Variants in NALF1 observed in about 807,000 individuals in gnomAD.
The protein encoded by NALF1 is NALCN channel auxiliary factor 1.
NALF1 carries 3 observed loss-of-function variants against 48.4 expected under a neutral mutation model. The ratio of observed to expected loss-of-function variants is 0.06; its 90% CI spans 0.03 to 0.16. The LOEUF (loss-of-function observed/expected upper bound fraction) is 0.16. Among genes scored for constraint, NALF1 ranks in the 10% least tolerant of loss-of-function variants. The probability of loss-of-function intolerance (pLI) is 1.00; values close to 1 mark genes in which losing one functional copy is unlikely to be tolerated. For synonymous variants in NALF1, 262 were observed against 245.7 expected, an observed-to-expected ratio of 1.07 and a Z score of -0.62; for missense variants, 526 against 571.5, an observed-to-expected ratio of 0.92 and a Z score of 0.81.
chr13:107,804,536 G>C (rs148844350), intron 1 of NALF1, among the ~76,000 whole-genome samples: 1 of 152,102 alleles, frequency 6.6e-6, no homozygotes, highest in South Asian at 2.1e-4. Context: ...CCTGAAGACA[G>C]GGACAACATC....
intron 1 of NALF1, among the ~76,000 whole-genome samples, chr13:107,583,266 TTTGCA>T (rs1878364000): frequency 6.6e-6 from 1 of 152,102 alleles, no homozygotes; most frequent in Non-Finnish European, 1.5e-5. Flanking sequence ...CATATGTATT[TTTGCA>T]AGAATGAGTT....
At chr13:107,529,334 C>T (rs550506902) in intron 1 of NALF1, among the ~76,000 whole-genome samples, 2 of 152,198 alleles carry the variant, frequency 1.3e-5, no homozygotes, top group Admixed American at 6.5e-5. Context: ...ATCACTTCAC[C>T]GATCCAGGCC....
chr13:107,830,822 C>T (rs1879696928), intron 1 of NALF1, among the ~76,000 whole-genome samples: 1 of 152,130 alleles, frequency 6.6e-6, no homozygotes, highest in Admixed American at 6.5e-5. Flanking sequence ...CTTCCTTTGC[C>T]TTTTGTATTA....
chr13:107,470,556 T>C (rs1459828808), intron 1 of NALF1, among the ~76,000 whole-genome samples: 9 of 152,188 alleles, frequency 5.9e-5, no homozygotes. Flanking sequence ...AAAGCTGTCC[T>C]TCAGAAATAG....
At chr13:107,676,162 T>TATA (rs1594200032) in intron 1 of NALF1, among the ~76,000 whole-genome samples, 1 of 152,222 alleles carries the variant, frequency 6.6e-6, no homozygotes, top group East Asian at 1.9e-4. Context: ...TTGAAAAGAG[T>TATA]ATAATCAAAT....
chr13:107,745,990 T>C (rs1317375498), intron 1 of NALF1, among the ~76,000 whole-genome samples: 1 of 152,222 alleles, frequency 6.6e-6, no homozygotes, highest in Non-Finnish European at 1.5e-5. Context: ...CTGCTGCCTA[T>C]TGGATTCTGG....
intron 2 of NALF1, among the ~76,000 whole-genome samples, chr13:107,188,729 G>C (rs1879226331): frequency 6.6e-6 from 1 of 152,160 alleles, no homozygotes; most frequent in South Asian, 2.1e-4. Context: ...TCAATACCCA[G>C]CTGTATGTGG....
At chr13:107,809,841 C>G (rs900462321) in intron 1 of NALF1, among the ~76,000 whole-genome samples, 1 of 152,024 alleles carries the variant, frequency 6.6e-6, no homozygotes, top group African/African-American at 2.4e-5. Context: ...CACACCTCAC[C>G]TTTTTCTTTT....
intron 1 of NALF1, among the ~76,000 whole-genome samples, chr13:107,279,038 T>C (rs1490738265): frequency 8.4e-6 from 1 of 119,054 alleles, no homozygotes; most frequent in African/African-American, 3.0e-5. Flanking sequence ...TTCTTTTCTT[T>C]TCTTCTTTTT....
intron 1 of NALF1, among the ~76,000 whole-genome samples, chr13:107,322,930 C>G (rs774990773): frequency 6.6e-6 from 1 of 152,156 alleles, no homozygotes; most frequent in African/African-American, 2.4e-5. Context: ...AGTCTGCACA[C>G]CTTTGAATGC....
intron 1 of NALF1, among the ~76,000 whole-genome samples, chr13:107,478,868 A>G (rs190829971): frequency 1.5e-3 from 230 of 152,260 alleles, no homozygotes; most frequent in African/African-American, 5.4e-3. Flanking sequence ...TTAAAAATAC[A>G]TATTTGAGAA....
chr13:107,837,668 A>T (rs1879933960), intron 1 of NALF1, among the ~76,000 whole-genome samples: 1 of 150,120 alleles, frequency 6.7e-6, no homozygotes, highest in African/African-American at 2.4e-5. Flanking sequence ...GGGACCCCGG[A>T]TGCCCCACCA....
At chr13:107,848,778 G>A (rs76650330) in intron 1 of NALF1, among the ~76,000 whole-genome samples, 2,882 of 152,198 alleles carry the variant, frequency 0.019, 45 homozygotes, top group African/African-American at 0.046. Context: ...CAAAATGTCT[G>A]ACCTGTCATA....
chr13:107,328,169 C>T (rs1323370486), intron 1 of NALF1, among the ~76,000 whole-genome samples: 4 of 151,988 alleles, frequency 2.6e-5, no homozygotes, highest in Non-Finnish European at 4.4e-5. Context: ...CTACCCACCT[C>T]GACCTCCCAA....
intron 1 of NALF1, among the ~76,000 whole-genome samples, chr13:107,792,608 A>G (rs1220406166): frequency 1.3e-5 from 2 of 152,176 alleles, no homozygotes; most frequent in East Asian, 3.9e-4. Context: ...TACTATCACC[A>G]TGACAATCTT....
intron 1 of NALF1, among the ~76,000 whole-genome samples, chr13:107,593,839 G>A (rs373987384): frequency 1.3e-3 from 201 of 150,904 alleles, no homozygotes; most frequent in African/African-American, 4.6e-3. Flanking sequence ...AAACAGAAAC[G>A]GAAACTTGTA....
intron 1 of NALF1, among the ~76,000 whole-genome samples, chr13:107,763,167 C>CA (rs1484641407): frequency 7.9e-5 from 12 of 151,458 alleles, no homozygotes; most frequent in African/African-American, 2.9e-4. Flanking sequence ...TTAAAGTAAA[C>CA]ATAATACACT....
At chr13:107,520,201 G>C (rs1379044648) in intron 1 of NALF1, among the ~76,000 whole-genome samples, 1 of 152,032 alleles carries the variant, frequency 6.6e-6, no homozygotes, top group Non-Finnish European at 1.5e-5. Context: ...ATATGTATAA[G>C]AAAAAATGCA....
chr13:107,373,869 A>G (rs1883291304), intron 1 of NALF1, among the ~76,000 whole-genome samples: 1 of 152,216 alleles, frequency 6.6e-6, no homozygotes, highest in South Asian at 2.1e-4. Flanking sequence ...CATCAAAAGA[A>G]TCTACCTTCT....
Sources: allele counts gnomAD v4.1 joint callset (sites outside exome capture counted in the v4.1 genomes callset), GRCh38; gene constraint gnomAD v4.1.1; transcripts MANE v1.5; gene names NCBI Gene and HGNC (gene_info 2026-07-23, HGNC 2026-07-21).